The following CTNND2 variants were observed in gnomAD, a reference collection of about 807,000 sequenced individuals.
CTNND2 encodes the protein catenin delta-2.
In CTNND2, 22 loss-of-function variants were observed where a neutral mutation model predicts 144.4. That is an observed-to-expected ratio of 0.15 (90% CI 0.11 to 0.22). The LOEUF (loss-of-function observed/expected upper bound fraction) is 0.22, where lower values mean the gene tolerates loss of function less well. Ranked by LOEUF, CTNND2 falls within the 10% of genes least tolerant of loss-of-function variation. CTNND2 has a pLI of 1.00. For synonymous variants in CTNND2, 751 were observed against 695.6 expected (o/e 1.08, Z -1.25); for missense variants, 1,353 against 1,618.8 (o/e 0.84, Z 2.82).
intron 1 of CTNND2, among the ~76,000 whole-genome samples, chr5:11,744,632 G>C (rs918716486): frequency 6.6e-6 from 1 of 152,144 alleles, no homozygotes; most frequent in Non-Finnish European, 1.5e-5. Context: ...GAAAAGTGGG[G>C]TCAGCAGACA....
intron 9 of CTNND2, among the ~76,000 whole-genome samples, chr5:11,289,726 T>C (rs972280753): frequency 7.5e-4 from 114 of 152,338 alleles, no homozygotes; most frequent in African/African-American, 2.7e-3. Flanking sequence ...AGAATGAGTC[T>C]CAGAGATCCT....
At chr5:11,128,337 A>T (rs373874677) in intron 12 of CTNND2, among the ~76,000 whole-genome samples, 1 of 152,068 alleles carries the variant, frequency 6.6e-6, no homozygotes, top group East Asian at 1.9e-4. Context: ...GCCATAAGGA[A>T]CAAGGTTCTG....
chr5:11,121,610 G>T (rs570960893), intron 12 of CTNND2, among the ~76,000 whole-genome samples: 2 of 152,098 alleles, frequency 1.3e-5, no homozygotes, highest in East Asian at 3.9e-4. Flanking sequence ...CAAATTAAAA[G>T]ACCAATCTAT....
At chr5:11,247,580 T>C (rs1238187173) in intron 9 of CTNND2, among the ~76,000 whole-genome samples, 2 of 152,224 alleles carry the variant, frequency 1.3e-5, no homozygotes, top group Non-Finnish European at 2.9e-5. Flanking sequence ...TTCTGAACTA[T>C]TATGGACACT....
chr5:11,218,441 C>T (rs1457003520), intron 10 of CTNND2, among the ~76,000 whole-genome samples: 1 of 152,080 alleles, frequency 6.6e-6, no homozygotes, highest in African/African-American at 2.4e-5. Flanking sequence ...GTCTGGATCC[C>T]TACATAAAAG....
intron 14 of CTNND2, among the ~76,000 whole-genome samples, chr5:11,108,010 G>A (rs1294269933): frequency 1.3e-5 from 2 of 152,296 alleles, no homozygotes; most frequent in South Asian, 2.1e-4. Flanking sequence ...CAGAAAATTC[G>A]CTCTCTTTGG....
chr5:11,716,091 G>A lies in CTNND2; in HGVS notation c.174+16045C>T, dbSNP rs575830375. ...CATTCTGGGGCCACCAATCCTCTACGACCAACATGAGCATGGGGTATCTGG... is the reference window on the plus strand; with the variant it reads ...CATTCTGGGGCCACCAATCCTCTACAACCAACATGAGCATGGGGTATCTGG... On this transcript the variant is annotated intron_variant, in intron 2 of 21. Transcript: ENST00000304623. Among the ~76,000 whole-genome samples, 16 of 152,260 alleles carry A rather than the reference G, an allele frequency of 1.1e-4. 1 individual carries two copies. The South Asian group carries it at 1.9e-3, about 18-fold the overall frequency.
chr5:11,589,160 T>C, intron 2 of CTNND2: 1 of 433,930 alleles, frequency 2.3e-6, no homozygotes, highest in Non-Finnish European at 3.1e-6. Flanking sequence ...GCATTATTTA[T>C]GCAACATTTC....
intron 3 of CTNND2, among the ~76,000 whole-genome samples, chr5:11,519,479 A>G (rs977708745): frequency 2.0e-5 from 3 of 146,766 alleles, no homozygotes; most frequent in African/African-American, 5.0e-5. Flanking sequence ...TAAAGGCTCT[A>G]TGGTTTACTT....
intron 2 of CTNND2, among the ~76,000 whole-genome samples, chr5:11,630,288 G>A (rs1235501759): frequency 6.6e-6 from 1 of 152,162 alleles, no homozygotes; most frequent in African/African-American, 2.4e-5. Flanking sequence ...GTGATCTGCA[G>A]GAGGATGTCT....
At chr5:11,661,925 G>A (rs529912932) in intron 2 of CTNND2, among the ~76,000 whole-genome samples, 60 of 151,556 alleles carry the variant, frequency 4.0e-4, no homozygotes, top group Non-Finnish European at 5.2e-4. Context: ...GATCAGCAGC[G>A]GCATTAGATT....
chr5:11,131,150 A>T (rs1004719173), intron 12 of CTNND2, among the ~76,000 whole-genome samples: 17 of 152,210 alleles, frequency 1.1e-4, no homozygotes, highest in African/African-American at 3.6e-4. Context: ...TTTCTGCTCA[A>T]CCAGGTGTGA....
chr5:11,529,820 T>C (rs890489649), intron 3 of CTNND2, among the ~76,000 whole-genome samples: 5 of 152,122 alleles, frequency 3.3e-5, no homozygotes, highest in East Asian at 1.9e-4. Flanking sequence ...AGATCTTGCC[T>C]TGGTTTATTG....
intron 14 of CTNND2, among the ~76,000 whole-genome samples, chr5:11,108,755 C>A (rs1430075997): frequency 6.6e-6 from 1 of 152,140 alleles, no homozygotes; most frequent in Non-Finnish European, 1.5e-5. Context: ...ACACCAACAG[C>A]GCCTTGAAGA....
chr5:11,564,258 C>A (rs56682438), intron 3 of CTNND2, among the ~76,000 whole-genome samples: 3 of 152,258 alleles, frequency 2.0e-5, no homozygotes, highest in African/African-American at 7.2e-5. Flanking sequence ...CTAACAAGAG[C>A]GTTTTTGAGA....
intron 2 of CTNND2, among the ~76,000 whole-genome samples, chr5:11,663,399 G>A (rs756797688): frequency 6.8e-4 from 103 of 151,978 alleles, no homozygotes; most frequent in Non-Finnish European, 1.4e-3. Flanking sequence ...TAAGTACAGC[G>A]GAAAATAGAG....
intron 2 of CTNND2, among the ~76,000 whole-genome samples, chr5:11,690,371 C>T (rs1043796110): frequency 5.9e-5 from 9 of 152,160 alleles, no homozygotes; most frequent in Non-Finnish European, 1.3e-4. Flanking sequence ...TCCTCAAATG[C>T]TGCTTCATTT....
chr5:11,332,980 C>T (rs553052305), intron 9 of CTNND2, among the ~76,000 whole-genome samples: 27 of 152,316 alleles, frequency 1.8e-4, no homozygotes, highest in Admixed American at 5.2e-4. Context: ...TCCCCAGCCA[C>T]GTGGAACTGA....
At chr5:11,071,818 A>T (rs1748346055) in intron 16 of CTNND2, among the ~76,000 whole-genome samples, 1 of 152,166 alleles carries the variant, frequency 6.6e-6, no homozygotes, top group Admixed American at 6.5e-5. Flanking sequence ...AGAGAACTCA[A>T]GAAACTCCCT....
Sources: allele counts gnomAD v4.1 joint callset (sites outside exome capture counted in the v4.1 genomes callset), GRCh38; gene constraint gnomAD v4.1.1; transcripts MANE v1.5; gene names NCBI Gene and HGNC (gene_info 2026-07-23, HGNC 2026-07-21).